SEPTIN12: variants seen among roughly 807,000 people sequenced by gnomAD.
SEPTIN12 encodes the protein septin 12.
In SEPTIN12, 42 loss-of-function variants were observed where a neutral mutation model predicts 37.7. That is an observed-to-expected ratio of 1.11 (90% confidence interval 0.87 to 1.44). The LOEUF (loss-of-function observed/expected upper bound fraction) is 1.44. Ranked by LOEUF, SEPTIN12 falls within the 40% of genes most tolerant of loss-of-function variation. SEPTIN12 has a pLI of 0.00. For synonymous variants in SEPTIN12, 254 were observed against 196.7 expected, an observed-to-expected ratio of 1.29 and a Z score of -2.44; for missense variants, 613 against 479.2, an observed-to-expected ratio of 1.28 and a Z score of -2.61.
At chr16:4,780,753 C>T (rs969164166) in intron 7 of SEPTIN12, among the ~76,000 whole-genome samples, 2 of 152,080 alleles carry the variant, frequency 1.3e-5, no homozygotes, top group African/African-American at 4.8e-5. Flanking sequence ...TGAAGGCAGG[C>T]AGATCACCTG....
chr16:4,782,490 G>C (rs902598172), intron 7 of SEPTIN12, among the ~76,000 whole-genome samples: 7 of 152,152 alleles, frequency 4.6e-5, no homozygotes, highest in Non-Finnish European at 1.0e-4. Context: ...CTGGGTCATA[G>C]AGTAACTGCA....
chr16:4,783,356 A>C, intron 7 of SEPTIN12, 106 bp downstream of exon 7: 2 of 880,556 alleles, frequency 2.3e-6, no homozygotes, highest in Middle Eastern at 6.7e-4. Flanking sequence ...ATCTGCTAGG[A>C]ATATGTGCAC....
At position 4,777,919 on chromosome 16, in the gene SEPTIN12, G is replaced by A. The variant is rs2082330249; in HGVS notation, c.955C>T (p.His319Tyr). The A allele has an allele frequency of 6.2e-7, 1 of 1,605,400 alleles. No homozygotes were observed. The change falls in exon 10 of 10, where the codon CAC becomes TAC. Residue 319 changes from histidine (H) to tyrosine (Y), a missense_variant. By Grantham distance (83) the His-to-Tyr change is moderately conservative. Coordinates refer to ENST00000268231, the MANE Select transcript of SEPTIN12 (RefSeq NM_144605.5). ...NYRVIRLNESHLLPRGPGWVN... is the reference protein window; with the variant it reads ...NYRVIRLNESYLLPRGPGWVN... Reference sequence around the variant, plus strand: ...CAGCCGGGCCCGCGGGGCAGCAGGTGGCTTTCATTGAGTCTGATGACGCGG... The same window carrying A: ...CAGCCGGGCCCGCGGGGCAGCAGGTAGCTTTCATTGAGTCTGATGACGCGG...
upstream of SEPTIN12, among the ~76,000 whole-genome samples, chr16:4,789,298 T>C (rs1730331201): frequency 6.6e-6 from 1 of 152,064 alleles, no homozygotes; most frequent in Admixed American, 6.6e-5. Flanking sequence ...TGAGCCACCA[T>C]GCCTGGCCTT....
In SEPTIN12 at chr16:4,783,916, G is replaced by T. The variant is rs527738073; in HGVS notation, c.512+15C>A. 1 of 1,613,934 alleles carries T rather than the reference G, an allele frequency of 6.2e-7. No individual in the cohort carries two copies. Among genetic ancestry groups the T allele is most frequent in the East Asian group, 2.2e-5 (1 of 44,870 alleles). On this transcript the variant is annotated intron_variant, in intron 5 of 9. Transcript: ENST00000268231. ...CGTGCAGGTGGTCCTCGCCTTGCAG[G>T]TGCAGCCCCCTCACCAGTGCCCAGT... is the stretch of plus-strand genomic sequence containing the variant.
intron 7 of SEPTIN12, among the ~76,000 whole-genome samples, chr16:4,781,616 G>T (rs1252849353): frequency 1.3e-5 from 2 of 151,624 alleles, no homozygotes; most frequent in Non-Finnish European, 2.9e-5. Context: ...CCACGCTGTA[G>T]CAGGCAGGTG....
upstream of SEPTIN12, among the ~76,000 whole-genome samples, chr16:4,790,810 A>ATAAG (rs1289387625): frequency 2.6e-5 from 4 of 152,126 alleles, no homozygotes; most frequent in African/African-American, 7.2e-5. Flanking sequence ...AAATAAATAA[A>ATAAG]TAAGTAAGTA....
chr16:4,789,357 G>A (rs1315789979), upstream of SEPTIN12, among the ~76,000 whole-genome samples: 2 of 147,292 alleles, frequency 1.4e-5, no homozygotes, highest in South Asian at 2.1e-4. Flanking sequence ...ACGGAGTCTC[G>A]CTCTGTCACC....
chr16:4,783,782 C>G lies in SEPTIN12; in HGVS notation c.513-16G>C, dbSNP rs1017079248. ...GGGCCGCAGGCTGCCGGAGGCAGGG[C>G]AGTGATGGGGGTGGCGGTGGTGGTG... On this transcript the variant is annotated splice_polypyrimidine_tract_variant and intron_variant, in intron 5 of 9. Coordinates refer to ENST00000268231, the MANE Select transcript of SEPTIN12 (RefSeq NM_144605.5). The G allele has an allele frequency of 3.1e-6, 5 of 1,611,844 alleles. No individual in the cohort carries two copies. The African/African-American group carries it at 6.7e-5, about 22-fold the overall frequency.
rs1236067929 is a variant in SEPTIN12, at chr16:4,783,944, G to T, written c.499C>A (p.Pro167Thr). 2 of 1,614,076 alleles carry T rather than the reference G, an allele frequency of 1.2e-6. No homozygotes were observed. Among genetic ancestry groups the T allele is most frequent in the Admixed American group, 1.7e-5 (1 of 60,006 alleles). Residue 167 changes from proline to threonine, a missense_variant, in exon 5 of 10, where the codon CCC (proline) becomes ACC (threonine). By Grantham distance (38) the Pro-to-Thr change is conservative (BLOSUM62 -1). Transcript: ENST00000268231. Reference sequence around the variant, plus strand: ...CAGCCCCCTCACCAGTGCCCAGTGGGTGGTACAAAGTACACGCAGCAGTGC... The same window carrying T: ...CAGCCCCCTCACCAGTGCCCAGTGGTTGGTACAAAGTACACGCAGCAGTGC... ...RVHCCVYFVP[P>T]TGHCLRPLDI...
chr16:4,782,326 G>A (rs896637519), intron 7 of SEPTIN12, among the ~76,000 whole-genome samples: 10 of 152,252 alleles, frequency 6.6e-5, no homozygotes, highest in African/African-American at 1.2e-4. Flanking sequence ...GGAATAGGCC[G>A]CACTGTGTTT....
chr16:4,785,480 A>G (rs1009077390), intron 4 of SEPTIN12, among the ~76,000 whole-genome samples: 2 of 151,702 alleles, frequency 1.3e-5, no homozygotes, highest in African/African-American at 2.4e-5. Flanking sequence ...ACCTTTGAGA[A>G]CCCACCACTT....
Position 4,783,983 on chromosome 16 carries a change from G to C in SEPTIN12, c.460C>G (p.Pro154Ala). The change falls in exon 5 of 10, where the codon CCA becomes GCA. Residue 154 changes from proline (P) to alanine (A), a missense_variant. Physicochemically the swap from Pro to Ala is conservative, Grantham distance 27 (BLOSUM62 -1). Coordinates refer to ENST00000268231, the MANE Select transcript of SEPTIN12 (RefSeq NM_144605.5). ...EILITRQRHI[P>A]DTRVHCCVYF... is the part of the protein sequence containing the mutation. Reference sequence around the variant, plus strand: ...ACGCAGCAGTGCACCCGGGTGTCTGGGATGTGGCGCTGGCGGGTGATGAGG... The same window carrying C: ...ACGCAGCAGTGCACCCGGGTGTCTGCGATGTGGCGCTGGCGGGTGATGAGG... 6.2e-7 allele frequency: 1 copy of C among 1,614,186 alleles called. No individual in the cohort carries two copies. The highest frequency in any genetic ancestry group is 2.2e-5 in the East Asian group (1 of 44,878).
At position 4,785,901 on chromosome 16, in the gene SEPTIN12, A is replaced by G; in HGVS notation, c.293-13T>C. On this transcript the variant is annotated splice_polypyrimidine_tract_variant and intron_variant, in intron 3 of 9. Transcript: ENST00000268231. ...TTCTCCTCTATGACTGTGGAGGGAG[A>G]GCAGAGTCGGGAGAGACTGGACCCA... is the stretch of plus-strand genomic sequence containing the variant. The G allele has an allele frequency of 6.3e-7, 1 of 1,574,840 alleles. No individual in the cohort carries two copies. The highest frequency in any genetic ancestry group is 1.7e-5 in the Admixed American group (1 of 58,268).
At chr16:4,787,734 A>C (rs1241278763) in intron 1 of SEPTIN12, 67 bp from the exon 2 acceptor site, 1 of 670,620 alleles carries the variant, frequency 1.5e-6, no homozygotes, top group Admixed American at 2.7e-5. Flanking sequence ...GACCTCTCCT[A>C]TCTGAACCCC....
chr16:4,779,923 C>G (rs1033159061), intron 7 of SEPTIN12, 137 bp from the exon 8 acceptor site: 19 of 678,980 alleles, frequency 2.8e-5, no homozygotes, highest in Non-Finnish European at 4.2e-5. Flanking sequence ...CACAGAATTC[C>G]CAAGTTCAAA....
At chr16:4,788,133 G>C (rs1596261177) in intron 1 of SEPTIN12, 147 bp downstream of exon 1, 1 of 163,746 alleles carries the variant, frequency 6.1e-6, no homozygotes, top group African/African-American at 2.4e-5. Context: ...CAGCAGAGTT[G>C]ATAGAGAGCG....
At chr16:4,787,951 C>T (rs1258760841) in intron 1 of SEPTIN12, 2 of 309,852 alleles carry the variant, frequency 6.5e-6, no homozygotes, top group East Asian at 1.3e-4. Context: ...AGGTCGCTTC[C>T]CCCAGCAGAG....
upstream of SEPTIN12, among the ~76,000 whole-genome samples, chr16:4,791,518 A>T (rs1318045088): frequency 2.0e-5 from 3 of 152,152 alleles, no homozygotes; most frequent in Non-Finnish European, 4.4e-5. Flanking sequence ...ACAGATGAGT[A>T]TACTGAGGCA....
Sources: allele counts gnomAD v4.1 joint callset (sites outside exome capture counted in the v4.1 genomes callset), GRCh38; gene constraint gnomAD v4.1.1; transcripts MANE v1.5; gene names NCBI Gene and HGNC (gene_info 2026-07-23, HGNC 2026-07-21).